The following RARA variants were observed in gnomAD, a reference collection of about 807,000 sequenced individuals.
RARA encodes the protein PML-DDX5-RARA fusion.
A neutral mutation model predicts 42.8 loss-of-function variants in RARA; 5 were observed. The observed-to-expected ratio is 0.12, with a 90% confidence interval of 0.06 to 0.25. The LOEUF (loss-of-function observed/expected upper bound fraction) is 0.25. Among genes scored for constraint, RARA ranks in the 10% least tolerant of loss-of-function variants. RARA has a pLI of 1.00. For missense variants in RARA, 402 were observed against 628.7 expected (o/e 0.64, Z 3.86); for synonymous variants, 256 against 259.5 (o/e 0.99, Z 0.13).
chr17:40,341,893 C>T, intron 2 of RARA: 2 of 1,056,538 alleles, frequency 1.9e-6, no homozygotes, highest in African/African-American at 1.7e-5. Flanking sequence ...CCTCCTCTCC[C>T]TGTACTCGGC....
chr17:40,342,228 C>T, intron 2 of RARA: 1 of 1,053,990 alleles, frequency 9.5e-7, no homozygotes, highest in Non-Finnish European at 1.1e-6. Flanking sequence ...CGGAACCGCG[C>T]GGGATCCCCA....
In RARA at chr17:40,354,588, C is replaced by T; in HGVS notation, c.1012+82C>T. ...TCTCTTCCAGGGAGCTCTTTCAGGC[C>T]ACCTCTGTTAGGTATCTCTAGAGGG... On this transcript the variant is annotated intron_variant, in intron 7 of 8. Coordinates refer to ENST00000254066, the MANE Select transcript of RARA (RefSeq NM_000964.4). The surrounding 1 kb of genome is among the most constrained non-coding windows in gnomAD (Gnocchi z 4.5). The T allele has an allele frequency of 1.3e-6, 2 of 1,484,100 alleles. No individual in the cohort carries two copies. The highest frequency in any genetic ancestry group is 1.2e-5 in the South Asian group (1 of 83,400). 91.9% of individuals were successfully genotyped at this position (1,484,100 alleles called of 1,614,324 possible).
chr17:40,342,535 C>T lies in RARA; in HGVS notation c.179-5781C>T, dbSNP rs954821133. ...CGGGACTGGCGGAGCGGCCGGCGGA[C>T]TTAGACGCGGGGACTTCAGGGCAGG... On this transcript the variant is annotated intron_variant, in intron 2 of 8. Transcript: ENST00000254066. The T allele has an allele frequency of 3.8e-6, 5 of 1,323,640 alleles. No homozygotes were observed. In the African/African-American group the frequency reaches 6.1e-5, roughly 16 times the overall value. 82.0% of individuals were successfully genotyped at this position (1,323,640 alleles called of 1,614,324 possible).
chr17:40,337,206 T>G (rs1407457254), intron 2 of RARA, among the ~76,000 whole-genome samples: 1 of 152,244 alleles, frequency 6.6e-6, no homozygotes, highest in Non-Finnish European at 1.5e-5. Context: ...ATTGTAAAGC[T>G]GGGCTGTTTT....
intron 1 of RARA, among the ~76,000 whole-genome samples, chr17:40,312,324 G>A (rs2033112113): frequency 6.6e-6 from 1 of 152,234 alleles, no homozygotes; most frequent in Non-Finnish European, 1.5e-5. Flanking sequence ...CCCTAGGAAA[G>A]GGGTGTGGGA....
intron 2 of RARA, among the ~76,000 whole-genome samples, chr17:40,346,156 G>A (rs768727027): frequency 9.9e-5 from 15 of 152,146 alleles, no homozygotes; most frequent in Non-Finnish European, 2.2e-4. Context: ...TCTCAGTTCC[G>A]TAAACACCCT....
intron 2 of RARA, 100 bp downstream of exon 2, chr17:40,331,496 G>A: frequency 7.4e-7 from 1 of 1,351,212 alleles, no homozygotes; most frequent in Non-Finnish European, 9.9e-7. Flanking sequence ...TGAGTGGAAG[G>A]CACGGTGAGC....
At chr17:40,346,067 C>A (rs1442574405) in intron 2 of RARA, among the ~76,000 whole-genome samples, 1 of 152,214 alleles carries the variant, frequency 6.6e-6, no homozygotes, top group Non-Finnish European at 1.5e-5. Context: ...AAAAGGAGGC[C>A]TTGCCCAGCC....
rs1019983830 is a variant in RARA, at chr17:40,351,774, G to A, written c.470-136G>A. On this transcript the variant is annotated intron_variant, in intron 4 of 8. Coordinates refer to ENST00000254066, the MANE Select transcript of RARA (RefSeq NM_000964.4). This position sits in a 1 kb window ranked among gnomAD's most constrained non-coding sequence, Gnocchi z 4.1. The stretch of plus-strand genomic sequence containing the variant: ...GTGCGTGGCAATGCCTTGCCTGCCC[G>A]TGAACGCGTGCTGTGTGCGCGTGCT... 1.9e-5 allele frequency: 23 copies of A among 1,186,988 alleles called. No homozygotes were observed. The highest frequency in any genetic ancestry group is 2.7e-4 in the Middle Eastern group (1 of 3,644). 73.5% of individuals were successfully genotyped at this position (1,186,988 alleles called of 1,614,324 possible).
intron 2 of RARA, among the ~76,000 whole-genome samples, chr17:40,332,495 G>A (rs1021668626): frequency 2.0e-5 from 3 of 152,198 alleles, no homozygotes; most frequent in African/African-American, 7.2e-5. Context: ...CCTTCTCAGT[G>A]TGGGGGCAGC....
intron 2 of RARA, chr17:40,342,991 C>T (rs2143401123): frequency 6.8e-7 from 1 of 1,460,276 alleles, no homozygotes; most frequent in African/African-American, 1.4e-5. Flanking sequence ...TTCACTTAAC[C>T]CGTGTTGCCC....
chr17:40,352,702 C>T lies in RARA; in HGVS notation c.807+195C>T, dbSNP rs1423156385. ...CCCTGTCCACTCAGCCACCTAGCAG[C>T]CAGATGTGCAGGAGCTCACCTGTTC... On this transcript the variant is annotated intron_variant, in intron 6 of 8. Transcript: ENST00000254066. The surrounding 1 kb of genome is among the most constrained non-coding windows in gnomAD (Gnocchi z 4.9). 6.6e-6 allele frequency among the ~76,000 whole-genome samples: 1 copy of T among 152,180 alleles called. No individual in the cohort carries two copies. Among genetic ancestry groups the T allele is most frequent in the South Asian group, 2.1e-4 (1 of 4,828 alleles).
At chr17:40,314,149 G>T (rs2033146301) in intron 1 of RARA, among the ~76,000 whole-genome samples, 1 of 150,834 alleles carries the variant, frequency 6.6e-6, no homozygotes, top group Non-Finnish European at 1.5e-5. Flanking sequence ...GGTAGGGAGG[G>T]AGGCAGGTGG....
At chr17:40,317,085 G>T (rs1480963102) in intron 1 of RARA, among the ~76,000 whole-genome samples, 1 of 152,266 alleles carries the variant, frequency 6.6e-6, no homozygotes, top group Non-Finnish European at 1.5e-5. Context: ...AAAACCCAGT[G>T]CCTGCTCTTG....
intron 2 of RARA, chr17:40,342,821 G>A: frequency 6.2e-7 from 1 of 1,612,988 alleles, no homozygotes. Flanking sequence ...CCCCGGGTCC[G>A]TACTCCACCC....
chr17:40,311,046 T>A (rs530932297), intron 1 of RARA, among the ~76,000 whole-genome samples: 2 of 152,142 alleles, frequency 1.3e-5, no homozygotes, highest in Non-Finnish European at 2.9e-5. Context: ...AGGCATTTCT[T>A]CCTCTGGGGC....
chr17:40,342,832 C>T (rs755669225), intron 2 of RARA: 3 of 1,612,998 alleles, frequency 1.9e-6, no homozygotes, highest in Non-Finnish European at 2.5e-6. Flanking sequence ...TACTCCACCC[C>T]GCTCCGGACT....
intron 2 of RARA, chr17:40,341,280 G>A (rs1266534329): frequency 7.3e-7 from 1 of 1,361,556 alleles, no homozygotes. Flanking sequence ...CTTGGGCGGG[G>A]CTTTGCTCGC....
At position 40,355,379 on chromosome 17, in the gene RARA, A is replaced by T. The variant is rs1434768657; in HGVS notation, c.1129A>T (p.Met377Leu). 1 of 1,613,868 alleles carries T rather than the reference A, an allele frequency of 6.2e-7. No homozygotes were observed. Among genetic ancestry groups the T allele is most frequent in the Non-Finnish European group, 8.5e-7 (1 of 1,179,942 alleles). ...CAGCCGCCCCCACATGTTCCCCAAGATGCTAATGAAGATTACTGACCTGCG... is the reference window on the plus strand; with the variant it reads ...CAGCCGCCCCCACATGTTCCCCAAGTTGCTAATGAAGATTACTGACCTGCG... Reference protein sequence around the residue: ...RPSRPHMFPKMLMKITDLRSI... With the variant: ...RPSRPHMFPKLLMKITDLRSI... Residue 377 changes from methionine to leucine, a missense_variant, in exon 8 of 9, where the codon ATG (methionine) becomes TTG (leucine). By Grantham distance (15) the Met-to-Leu change is conservative. This residue lies in a region of RARA where 104 missense variants were observed against 160.1 expected (regional missense o/e 0.65). Coordinates refer to ENST00000254066, the MANE Select transcript of RARA (RefSeq NM_000964.4). This position sits in a 1 kb window ranked among gnomAD's most constrained non-coding sequence, Gnocchi z 4.1.
Sources: allele counts gnomAD v4.1 joint callset (sites outside exome capture counted in the v4.1 genomes callset), GRCh38; gene constraint gnomAD v4.1.1; regional missense constraint gnomAD v4.1.1; non-coding constraint Gnocchi (gnomAD v3.1); transcripts MANE v1.5; gene names NCBI Gene and HGNC (gene_info 2026-07-23, HGNC 2026-07-21).